The following DENR variants were observed in gnomAD, a reference collection of about 807,000 sequenced individuals.
DENR encodes density-regulated protein.
A neutral mutation model predicts 30.6 loss-of-function variants in DENR; 6 were observed. That is an observed-to-expected ratio of 0.20 (90% CI 0.11 to 0.39). The LOEUF is 0.39. DENR is among the 10% of genes least tolerant of loss of function. DENR has a pLI of 1.00. For missense variants in DENR, 141 were observed against 230.9 expected, an observed-to-expected ratio of 0.61 and a Z score of 2.52; for synonymous variants, 78 against 72.1, an observed-to-expected ratio of 1.08 and a Z score of -0.41.
Position 122,753,707 on chromosome 12 carries a change from T to A in DENR, c.6T>A (p.Ala2=). 1 of 1,613,778 alleles carries A rather than the reference T, an allele frequency of 6.2e-7. No individual in the cohort carries two copies. The highest frequency in any genetic ancestry group is 8.5e-7 in the Non-Finnish European group (1 of 1,179,650). Residue 2 remains alanine (A), a synonymous_variant, in exon 2 of 8, where the codon GCT becomes GCA. Coordinates refer to ENST00000280557, the MANE Select transcript of DENR (RefSeq NM_003677.5). ...CTTGCTTACAGGTTTGTGAAATGGC[T>A]GCTGACATTTCTGAATCCAGCGGGG... M[A]ADISESSGAD... is the part of the protein sequence containing the mutation.
chr12:122,761,171 G>C (rs967285359), intron 2 of DENR, among the ~76,000 whole-genome samples: 1 of 152,124 alleles, frequency 6.6e-6, no homozygotes, highest in Non-Finnish European at 1.5e-5. Context: ...CAGCACTTTG[G>C]GAGGCTGAGG....
intron 2 of DENR, among the ~76,000 whole-genome samples, chr12:122,760,967 C>T (rs80140873): frequency 6.6e-6 from 1 of 151,990 alleles, no homozygotes; most frequent in Admixed American, 6.6e-5. Flanking sequence ...AAAAAACTTA[C>T]CTGTACATAG....
chr12:122,768,921 G>A lies in DENR; in HGVS notation c.552G>A (p.Glu184=). The A allele has an allele frequency of 6.2e-7, 1 of 1,611,136 alleles. No homozygotes were observed. The highest frequency in any genetic ancestry group is 1.1e-5 in the South Asian group (1 of 90,172). Residue 184 remains glutamate (E), a splice_region_variant and synonymous_variant, in exon 7 of 8, where the codon GAG becomes GAA. Transcript: ENST00000280557. ...ATGTCATTCAGGAAAAATGGCCAGA[G>A]GTGAGTGCATGGAACACATACATCG... ...IIDVIQEKWP[E]VDDDSIEDLG...
intron 5 of DENR, 101 bp downstream of exon 5, chr12:122,765,488 G>A: frequency 9.5e-7 from 1 of 1,058,140 alleles, no homozygotes. Context: ...ACAATGGTGG[G>A]CGCCTATAGT....
rs1176465602 is a variant in DENR at position 122,771,034 on chromosome 12, A to G, written c.*1956A>G. ...CCAGCAGTGGATGTTACTCCAGGAA[A>G]ATGCAGGATTAAAATTGTCCTTGTG... On this transcript the variant is annotated 3_prime_UTR_variant, in exon 8 of 8. Transcript: ENST00000280557. 2 of 299,502 alleles carry G rather than the reference A, an allele frequency of 6.7e-6. No homozygotes were observed. Among genetic ancestry groups the G allele is most frequent in the Non-Finnish European group, 1.2e-5 (2 of 164,616 alleles). 18.6% of individuals were successfully genotyped at this position (299,502 alleles called of 1,614,324 possible).
intron 7 of DENR, 48 bp from the exon 8 acceptor site, chr12:122,768,983 TTTC>T (rs2135513453): frequency 6.2e-7 from 1 of 1,607,864 alleles, no homozygotes; most frequent in African/African-American, 1.3e-5. Context: ...GCTTCCATTT[TTTC>T]TTAATTGCAA....
intron 2 of DENR, 52 bp downstream of exon 2, chr12:122,753,859 T>G: frequency 1.5e-6 from 2 of 1,350,260 alleles, no homozygotes; most frequent in Non-Finnish European, 2.1e-6. Flanking sequence ...TTTTATGCAT[T>G]GTAATAACAG....
At position 122,769,494 on chromosome 12, in the gene DENR, TTCTC is replaced by T. The variant is rs150720730; in HGVS notation, c.*434_*437del. 1,579 of 894,328 alleles carry T rather than the reference TTCTC, an allele frequency of 1.8e-3. 12 individuals carry two copies. The African/African-American group carries it at 0.025, about 14-fold the overall frequency. 55.4% of individuals were successfully genotyped at this position (894,328 alleles called of 1,614,324 possible). A position where few individuals can be genotyped will look rare whatever the true frequency, so the allele number is the denominator to read the frequency against. The stretch of plus-strand genomic sequence containing the variant: ...AAATTTTGGTCATTTGGTACTGACT[TTCTC>T]TCTCTCTCTCTCTCTCTTTTTTTTT... On this transcript the variant is annotated 3_prime_UTR_variant, in exon 8 of 8. Coordinates refer to ENST00000280557, the MANE Select transcript of DENR (RefSeq NM_003677.5).
intron 6 of DENR, among the ~76,000 whole-genome samples, 176 bp from the exon 7 acceptor site, chr12:122,768,606 A>G (rs530394959): frequency 1.2e-3 from 189 of 152,336 alleles, no homozygotes; most frequent in African/African-American, 4.3e-3. Context: ...TTGACCTTGA[A>G]AGTGTAAATT....
At chr12:122,766,405 C>T (rs1878851083) in intron 5 of DENR, among the ~76,000 whole-genome samples, 1 of 152,158 alleles carries the variant, frequency 6.6e-6, no homozygotes, top group Admixed American at 6.5e-5. Flanking sequence ...TTCCAGGATT[C>T]TGTCCTAGGC....
At chr12:122,760,464 G>A (rs936606950) in intron 2 of DENR, among the ~76,000 whole-genome samples, 5 of 152,184 alleles carry the variant, frequency 3.3e-5, no homozygotes, top group Non-Finnish European at 7.3e-5. Flanking sequence ...GGGCGCGGTG[G>A]CTCACTCCTG....
chr12:122,758,816 A>AG (rs1419346663), intron 2 of DENR, among the ~76,000 whole-genome samples: 3 of 151,526 alleles, frequency 2.0e-5, no homozygotes, highest in Non-Finnish European at 2.9e-5. Context: ...ACAAAAAAAA[A>AG]GAAGCTGGAG....
At chr12:122,754,024 A>G in intron 2 of DENR, 1 of 573,832 alleles carries the variant, frequency 1.7e-6, no homozygotes, top group South Asian at 1.9e-5. Flanking sequence ...CTTACAGTCC[A>G]TTTGTAACAG....
intron 4 of DENR, 42 bp from the exon 5 acceptor site, chr12:122,765,262 T>G: frequency 4.8e-6 from 7 of 1,470,222 alleles, no homozygotes; most frequent in Non-Finnish European, 6.5e-6. Flanking sequence ...TTTAACAGTG[T>G]GAGATGATGT....
intron 5 of DENR, among the ~76,000 whole-genome samples, chr12:122,766,291 A>G (rs1031379619): frequency 1.3e-5 from 2 of 152,148 alleles, no homozygotes; most frequent in African/African-American, 4.8e-5. Context: ...TCTTTCCTGA[A>G]ACATTGTCCC....
intron 4 of DENR, among the ~76,000 whole-genome samples, chr12:122,764,078 G>A (rs1004132340): frequency 1.3e-5 from 2 of 152,154 alleles, no homozygotes; most frequent in African/African-American, 4.8e-5. Context: ...CTGAGTAGAA[G>A]CTTTCCTAGT....
intron 4 of DENR, among the ~76,000 whole-genome samples, chr12:122,764,330 G>T (rs1229968413): frequency 6.6e-6 from 1 of 152,186 alleles, no homozygotes. Context: ...GCCGGGTGCA[G>T]TGGCTCACGC....
intron 2 of DENR, among the ~76,000 whole-genome samples, chr12:122,759,944 A>C (rs764873740): frequency 3.9e-5 from 6 of 152,172 alleles, no homozygotes; most frequent in Non-Finnish European, 8.8e-5. Flanking sequence ...ACTAGACTGG[A>C]CAAAACCAAT....
chr12:122,764,624 A>G (rs1055369197), intron 4 of DENR, among the ~76,000 whole-genome samples: 21 of 152,298 alleles, frequency 1.4e-4, no homozygotes, highest in African/African-American at 4.6e-4. Flanking sequence ...TGCCATTGCC[A>G]GAGGTGGGAA....
Sources: allele counts gnomAD v4.1 joint callset (sites outside exome capture counted in the v4.1 genomes callset), GRCh38; gene constraint gnomAD v4.1.1; transcripts MANE v1.5; gene names NCBI Gene and HGNC (gene_info 2026-07-23, HGNC 2026-07-21).